The following SNCAIP variants were observed in gnomAD, a reference collection of about 807,000 sequenced individuals.
SNCAIP encodes synphilin-1.
In SNCAIP, 43 loss-of-function variants were observed where a neutral mutation model predicts 86.7. The ratio of observed to expected loss-of-function variants is 0.50; its 90% CI spans 0.39 to 0.64. The LOEUF is 0.64. SNCAIP is among the 30% of genes least tolerant of loss of function. The pLI, the probability that SNCAIP is intolerant of heterozygous loss-of-function variation, is 0.00. For missense variants in SNCAIP, 981 were observed against 1,103.1 expected (o/e 0.89, Z 1.57); for synonymous variants, 417 against 427.2 (o/e 0.98, Z 0.29).
Position 122,359,995 on chromosome 5 carries a change from A to G in SNCAIP, c.-46-31094A>G, listed in dbSNP as rs551361082. 1.1e-4 allele frequency among the ~76,000 whole-genome samples: 17 copies of G among 152,330 alleles called. No individual in the cohort carries two copies. The South Asian group carries it at 3.5e-3, about 32-fold the overall frequency. On this transcript the variant is annotated intron_variant, in intron 1 of 10. Coordinates refer to ENST00000261368, the MANE Select transcript of SNCAIP (RefSeq NM_005460.4). ...AAGGATTCCTGTATATGAAACATGCAATACCAAAGAACCTGCTTAAGAACC... is the reference window on the plus strand; with the variant it reads ...AAGGATTCCTGTATATGAAACATGCGATACCAAAGAACCTGCTTAAGAACC...
At chr5:122,338,756 G>A (rs922951019) in intron 1 of SNCAIP, among the ~76,000 whole-genome samples, 2 of 152,128 alleles carry the variant, frequency 1.3e-5, no homozygotes, top group Non-Finnish European at 1.5e-5. Context: ...AAGAAGTTTT[G>A]TGTCATTCAT....
At chr5:122,432,992 T>G (rs1354469616) in intron 6 of SNCAIP, among the ~76,000 whole-genome samples, 1 of 152,096 alleles carries the variant, frequency 6.6e-6, no homozygotes, top group African/African-American at 2.4e-5. Context: ...AACAAGAGAT[T>G]ATGCTTTTTC....
At chr5:122,332,177 T>A (rs1404409627) in intron 1 of SNCAIP, among the ~76,000 whole-genome samples, 1 of 152,268 alleles carries the variant, frequency 6.6e-6, no homozygotes, top group Non-Finnish European at 1.5e-5. Context: ...TGATGTGTTT[T>A]CTTTCTTTAT....
intron 1 of SNCAIP, among the ~76,000 whole-genome samples, chr5:122,358,308 A>T (rs1761514687): frequency 6.7e-6 from 1 of 148,370 alleles, no homozygotes; most frequent in Non-Finnish European, 1.5e-5. Flanking sequence ...TGCACCCATT[A>T]ACTCGTCATT....
In SNCAIP at chr5:122,380,457, G is replaced by A. The variant is rs541663965; in HGVS notation, c.-46-10632G>A. On this transcript the variant is annotated intron_variant, in intron 1 of 10. Transcript: ENST00000261368. ...TTTTTCTTCATTAGTCTTGCTAGTG[G>A]TCTATCAATTTTGTTGATCCTTTCA... is the stretch of plus-strand genomic sequence containing the variant. Among the ~76,000 whole-genome samples, 8 of 150,534 alleles carry A rather than the reference G, an allele frequency of 5.3e-5. No individual in the cohort carries two copies. In the South Asian group the frequency reaches 6.4e-4, roughly 12 times the overall value.
At chr5:122,321,663 G>A (rs1236938333) in intron 1 of SNCAIP, 2 of 152,242 alleles carry the variant, frequency 1.3e-5, no homozygotes, top group Admixed American at 6.5e-5. Context: ...TCCAGGAGTT[G>A]AAGGGCTTGG....
chr5:122,416,251 C>T (rs1176909726), intron 3 of SNCAIP, among the ~76,000 whole-genome samples: 5 of 152,252 alleles, frequency 3.3e-5, no homozygotes, highest in Admixed American at 2.0e-4. Context: ...ACACATTCAA[C>T]GACAGCTGCT....
At chr5:122,392,621 G>A (rs73794597) in intron 2 of SNCAIP, among the ~76,000 whole-genome samples, 3,065 of 152,246 alleles carry the variant, frequency 0.02, 99 homozygotes, top group African/African-American at 0.068. Context: ...GTAGCTCTCC[G>A]AACTTTGATA....
rs765664777 is a variant in SNCAIP at position 122,450,882 on chromosome 5, GAC to G, written c.2039_2040del (p.Thr680ArgfsTer6). 1 of 1,614,056 alleles carries G rather than the reference GAC, an allele frequency of 6.2e-7. No individual in the cohort carries two copies. The highest frequency in any genetic ancestry group is 8.5e-7 in the Non-Finnish European group (1 of 1,179,984). The part of the protein sequence containing the change: ...QLMQRSLSES[D>X]TDSNNSEDPK... ...GATGCAGAGGTCACTGAGTGAGTCTGACACAGACTCCAACAACTCTGAGGACC... is the reference window on the plus strand; with the variant it reads ...GATGCAGAGGTCACTGAGTGAGTCTGACAGACTCCAACAACTCTGAGGACC... On this transcript the variant is annotated frameshift_variant, in exon 10 of 11. Transcript: ENST00000261368. LOFTEE classifies it high-confidence loss of function.
At chr5:122,372,590 G>A (rs2152796319) in intron 1 of SNCAIP, among the ~76,000 whole-genome samples, 1 of 152,312 alleles carries the variant, frequency 6.6e-6, no homozygotes, top group Non-Finnish European at 1.5e-5. Flanking sequence ...CTCGAGCAAT[G>A]TATCTCAATG....
intron 8 of SNCAIP, among the ~76,000 whole-genome samples, chr5:122,447,823 G>T (rs1023205558): frequency 2.6e-4 from 39 of 152,178 alleles, no homozygotes; most frequent in Admixed American, 1.3e-3. Context: ...TGCTGCAAAG[G>T]CAGAGTTGAG....
chr5:122,429,964 G>A (rs987996285), intron 5 of SNCAIP, among the ~76,000 whole-genome samples: 1 of 152,090 alleles, frequency 6.6e-6, no homozygotes, highest in Non-Finnish European at 1.5e-5. Context: ...TTCCTTTCCT[G>A]ATCTGCCACT....
chr5:122,397,519 A>G (rs1347865480), intron 2 of SNCAIP, among the ~76,000 whole-genome samples: 2 of 152,158 alleles, frequency 1.3e-5, no homozygotes, highest in Non-Finnish European at 2.9e-5. Flanking sequence ...TTTAAAAAAA[A>G]CTTCTTAGAA....
chr5:122,444,099 T>C (rs1232523897), intron 7 of SNCAIP: 1 of 457,334 alleles, frequency 2.2e-6, no homozygotes, highest in East Asian at 6.9e-5. Flanking sequence ...TTTTTATTCC[T>C]GATCAGGTTG....
intron 1 of SNCAIP, among the ~76,000 whole-genome samples, chr5:122,343,585 G>A (rs534836112): frequency 6.6e-6 from 1 of 152,316 alleles, no homozygotes; most frequent in African/African-American, 2.4e-5. Flanking sequence ...CTCAAACGAT[G>A]AGACTCTGTC....
intron 2 of SNCAIP, among the ~76,000 whole-genome samples, chr5:122,398,044 A>G (rs1376436032): frequency 1.3e-5 from 2 of 152,256 alleles, no homozygotes; most frequent in Admixed American, 1.3e-4. Context: ...GGTGGGCAGA[A>G]TCCTATTGTG....
At chr5:122,388,265 T>A (rs1325166259) in intron 1 of SNCAIP, among the ~76,000 whole-genome samples, 1 of 146,210 alleles carries the variant, frequency 6.8e-6, no homozygotes, top group Non-Finnish European at 1.5e-5. Flanking sequence ...ACTGATTCAA[T>A]TTTTTTTTTT....
intron 2 of SNCAIP, among the ~76,000 whole-genome samples, chr5:122,398,075 A>G (rs1448334870): frequency 6.6e-6 from 1 of 152,160 alleles, no homozygotes; most frequent in East Asian, 1.9e-4. Flanking sequence ...GAGTAAATGC[A>G]GAGATGAGGA....
At chr5:122,326,655 C>A (rs1422758900) in intron 1 of SNCAIP, among the ~76,000 whole-genome samples, 1 of 105,090 alleles carries the variant, frequency 9.5e-6, no homozygotes, top group African/African-American at 3.8e-5. Flanking sequence ...TAAGTAGAGT[C>A]AAGGGAGGAA....
Sources: gnomAD v4.1 joint callset for allele counts (sites outside exome capture counted in the v4.1 genomes callset) on GRCh38, gnomAD v4.1.1 for gene constraint, MANE v1.5 for transcripts, NCBI Gene and HGNC (gene_info 2026-07-23, HGNC 2026-07-21) for gene names.